The following AGBL3 variants were observed in gnomAD, a reference collection of about 807,000 sequenced individuals.
AGBL3 encodes the protein cytosolic carboxypeptidase 3.
AGBL3 carries 68 observed loss-of-function variants against 94.5 expected under a neutral mutation model. The observed-to-expected ratio is 0.72, with a 90% CI of 0.59 to 0.88. AGBL3 has a LOEUF of 0.88. Ranked by LOEUF, AGBL3 falls within the 40% of genes least tolerant of loss-of-function variation. AGBL3 has a pLI of 0.00. For missense variants in AGBL3, 934 were observed against 1,103.8 expected (o/e 0.85, Z 2.18); for synonymous variants, 354 against 370.7 (o/e 0.95, Z 0.52).
At chr7:135,100,802 A>G (rs1309955079) in intron 15 of AGBL3, among the ~76,000 whole-genome samples, 3 of 152,240 alleles carry the variant, frequency 2.0e-5, no homozygotes, top group Non-Finnish European at 1.5e-5. Context: ...AAAGTACTGC[A>G]GTTAGAAGAT....
chr7:135,028,356 T>G (rs1030620002), intron 5 of AGBL3, among the ~76,000 whole-genome samples: 3 of 148,474 alleles, frequency 2.0e-5, no homozygotes, highest in Non-Finnish European at 4.4e-5. Context: ...AATCCTTAGT[T>G]TATAACTAAT....
At chr7:135,124,916 T>C (rs1033364336) in intron 16 of AGBL3, among the ~76,000 whole-genome samples, 1 of 152,100 alleles carries the variant, frequency 6.6e-6, no homozygotes, top group Admixed American at 6.5e-5. Flanking sequence ...AAGGGGGAAA[T>C]TTATGGCACT....
intron 15 of AGBL3, among the ~76,000 whole-genome samples, chr7:135,089,115 G>A (rs566572306): frequency 6.7e-6 from 1 of 150,108 alleles, no homozygotes; most frequent in Admixed American, 6.6e-5. Context: ...CTGTCTTTAA[G>A]TTCAGAGATT....
chr7:135,123,152 A>C (rs1170324829), intron 16 of AGBL3, among the ~76,000 whole-genome samples: 1 of 152,190 alleles, frequency 6.6e-6, no homozygotes, highest in African/African-American at 2.4e-5. Context: ...ACGTTGATAA[A>C]AGGTTAGAGT....
At chr7:135,031,015 T>G (rs934536281) in intron 5 of AGBL3, among the ~76,000 whole-genome samples, 11 of 152,180 alleles carry the variant, frequency 7.2e-5, no homozygotes, top group Non-Finnish European at 1.6e-4. Flanking sequence ...AGTTTTGTTT[T>G]TTTTGTTTTT....
At position 135,032,897 on chromosome 7, in the gene AGBL3, T is replaced by C. The variant is rs377156405; in HGVS notation, c.472T>C (p.Leu158=). The change falls in exon 6 of 17, where the codon TTG becomes CTG. Residue 158 remains leucine, a synonymous_variant. Coordinates refer to ENST00000436302, the MANE Select transcript of AGBL3 (RefSeq NM_178563.4). ...YSRVGGNRTP[L]KQPVDYRDNT... is the part of the protein sequence containing the mutation. ...CCGAGTTGGGGGTAACCGAACACCT[T>C]TGAAGCAGCCTGTGGATTACCGTGA... 6.1e-5 allele frequency: 94 copies of C among 1,551,602 alleles called. No homozygotes were observed. In the African/African-American group the frequency reaches 7.7e-4, roughly 13 times the overall value.
intron 11 of AGBL3, among the ~76,000 whole-genome samples, chr7:135,055,298 T>C (rs1469162893): frequency 6.6e-6 from 1 of 152,186 alleles, no homozygotes; most frequent in Non-Finnish European, 1.5e-5. Context: ...CTGTATTAGC[T>C]AGAACTTCCA....
At chr7:134,994,731 C>T (rs899471510) in intron 4 of AGBL3, among the ~76,000 whole-genome samples, 12 of 152,038 alleles carry the variant, frequency 7.9e-5, no homozygotes, top group African/African-American at 2.4e-4. Flanking sequence ...GGAGAAAGGA[C>T]GGGTGGAGAG....
Position 135,045,612 on chromosome 7 carries a change from C to G in AGBL3, c.1728+38C>G, listed in dbSNP as rs776879289. 2.1e-5 allele frequency: 32 copies of G among 1,502,914 alleles called. No individual in the cohort carries two copies. In the South Asian group the frequency reaches 3.6e-4, roughly 17 times the overall value. 93.1% of individuals were successfully genotyped at this position (1,502,914 alleles called of 1,614,324 possible). ...CATTTGGTAATGCATCAGACTCCAGCCTATCAGATAACATAAGCTGACTAT... is the reference window on the plus strand; with the variant it reads ...CATTTGGTAATGCATCAGACTCCAGGCTATCAGATAACATAAGCTGACTAT... On this transcript the variant is annotated intron_variant, in intron 10 of 16. Transcript: ENST00000436302.
chr7:135,101,094 C>G (rs184117522), intron 15 of AGBL3: 3 of 442,992 alleles, frequency 6.8e-6, no homozygotes, highest in African/African-American at 4.0e-5. Context: ...CAAAGTATGA[C>G]TCAGAGTCAT....
At chr7:135,095,720 T>C (rs1320668519) in intron 15 of AGBL3, among the ~76,000 whole-genome samples, 2 of 152,182 alleles carry the variant, frequency 1.3e-5, no homozygotes, top group East Asian at 1.9e-4. Flanking sequence ...TCACTGTCAC[T>C]TTTTTTCCCC....
chr7:135,066,910 A>G (rs979718651), intron 12 of AGBL3, among the ~76,000 whole-genome samples: 3 of 152,230 alleles, frequency 2.0e-5, no homozygotes, highest in Non-Finnish European at 2.9e-5. Flanking sequence ...GGTGCAGTGC[A>G]CCGAGCATGA....
At chr7:135,126,572 A>T (rs1401572819) in intron 16 of AGBL3, among the ~76,000 whole-genome samples, 1 of 152,232 alleles carries the variant, frequency 6.6e-6, no homozygotes, top group Non-Finnish European at 1.5e-5. Context: ...GAAAACCCCG[A>T]ATAGCCAAGA....
intron 15 of AGBL3, among the ~76,000 whole-genome samples, chr7:135,098,760 C>A (rs926202901): frequency 3.9e-5 from 6 of 152,138 alleles, no homozygotes; most frequent in Admixed American, 2.6e-4. Context: ...GAAAAAGAAA[C>A]AGGAAGAGCA....
intron 12 of AGBL3, 142 bp from the exon 13 acceptor site, chr7:135,076,255 G>C: frequency 3.1e-6 from 2 of 637,766 alleles, no homozygotes; most frequent in South Asian, 3.7e-5. Context: ...ATGATACCCA[G>C]AATTTTTGGT....
chr7:135,110,617 G>A (rs576912206), intron 15 of AGBL3, among the ~76,000 whole-genome samples: 108 of 152,116 alleles, frequency 7.1e-4, no homozygotes, highest in Non-Finnish European at 1.3e-3. Flanking sequence ...GTCGCTCCTG[G>A]GTGGGCAGCT....
At chr7:135,013,667 C>G (rs1397177944) in intron 4 of AGBL3, among the ~76,000 whole-genome samples, 2 of 151,628 alleles carry the variant, frequency 1.3e-5, no homozygotes, top group Non-Finnish European at 2.9e-5. Flanking sequence ...CAAGACACTT[C>G]CGCTGACAGT....
chr7:135,015,731 C>A (rs1362389025), intron 4 of AGBL3, among the ~76,000 whole-genome samples: 1 of 151,846 alleles, frequency 6.6e-6, no homozygotes, highest in Non-Finnish European at 1.5e-5. Flanking sequence ...TCAGCATACA[C>A]AGGCCGGGCA....
At chr7:135,096,724 AGAAAGAAAG>A (rs1244294894) in intron 15 of AGBL3, among the ~76,000 whole-genome samples, 3 of 141,290 alleles carry the variant, frequency 2.1e-5, no homozygotes, top group Non-Finnish European at 4.6e-5. Context: ...AAGAAAGAGA[AGAAAGAAAG>A]AGAAAGAATG....
Sources: gnomAD v4.1 joint callset for allele counts (sites outside exome capture counted in the v4.1 genomes callset) on GRCh38, gnomAD v4.1.1 for gene constraint, MANE v1.5 for transcripts, NCBI Gene and HGNC (gene_info 2026-07-23, HGNC 2026-07-21) for gene names.